The following DTD1 variants were observed in gnomAD, a reference collection of about 807,000 sequenced individuals.
The protein encoded by DTD1 is D-tyrosyl-tRNA deacylase 1 homolog.
A neutral mutation model predicts 25.6 loss-of-function variants in DTD1; 13 were observed. The observed-to-expected ratio is 0.51, with a 90% confidence interval of 0.33 to 0.81. The LOEUF (loss-of-function observed/expected upper bound fraction) is 0.81, where lower values mean the gene tolerates loss of function less well. Ranked by LOEUF, DTD1 falls within the 30% of genes least tolerant of loss-of-function variation. The pLI, the probability that DTD1 is intolerant of heterozygous loss-of-function variation, is 0.02. For synonymous variants in DTD1, 110 were observed against 103.6 expected, an observed-to-expected ratio of 1.06 and a Z score of -0.37; for missense variants, 193 against 266.4, an observed-to-expected ratio of 0.72 and a Z score of 1.92.
chr20:18,632,565 A>G, intron 4 of DTD1: 4 of 985,134 alleles, frequency 4.1e-6, no homozygotes, highest in African/African-American at 1.7e-5. Context: ...TTACTGATAG[A>G]TAAACACGTG....
intron 4 of DTD1, chr20:18,678,971 A>G (rs912762609): frequency 6.6e-6 from 1 of 152,150 alleles, no homozygotes; most frequent in African/African-American, 2.4e-5. Flanking sequence ...CTGGTCATCC[A>G]TTAGATGGCT....
intron 4 of DTD1, chr20:18,643,295 T>C: frequency 3.0e-6 from 1 of 333,330 alleles, no homozygotes; most frequent in Non-Finnish European, 6.2e-6. Flanking sequence ...TTGTTGAGAG[T>C]GCGTAGTTGA....
intron 4 of DTD1, among the ~76,000 whole-genome samples, chr20:18,635,365 G>A (rs1200967287): frequency 3.3e-5 from 5 of 152,226 alleles, no homozygotes; most frequent in Non-Finnish European, 7.3e-5. Flanking sequence ...CTTCTGGGAC[G>A]TAGGCTGCCA....
In DTD1 at chr20:18,748,101, G is replaced by A. The variant is rs35853877; in HGVS notation, c.*19+3830G>A. Among the ~76,000 whole-genome samples, 1,202 of 152,164 alleles carry A rather than the reference G, an allele frequency of 7.9e-3. 13 individuals are homozygous for A. The highest frequency in any genetic ancestry group is 0.037 in the South Asian group (179 of 4,816). On this transcript the variant is annotated intron_variant, in intron 5 of 5. Coordinates refer to ENST00000377452, the MANE Select transcript of DTD1 (RefSeq NM_080820.6). The stretch of plus-strand genomic sequence containing the variant: ...CCCATCATGAACTTAATGAACGGGA[G>A]AGGGAGAAACATACAAGCCCCTGTC...
chr20:18,690,136 T>C (rs1600370937), intron 4 of DTD1, among the ~76,000 whole-genome samples: 1 of 129,864 alleles, frequency 7.7e-6, no homozygotes, highest in Admixed American at 7.8e-5. Flanking sequence ...ACCCTGTCTC[T>C]AAAAAAAAAA....
At position 18,732,255 on chromosome 20, in the gene DTD1, A is replaced by C. The variant is rs186681139; in HGVS notation, c.478-11845A>C. 3.3e-3 allele frequency among the ~76,000 whole-genome samples: 508 copies of C among 152,342 alleles called. 2 individuals are homozygous for C. Among genetic ancestry groups the C allele is most frequent in the African/African-American group, 0.011 (477 of 41,574 alleles). ...TCACTTAAAGAACACTGTTAGTTTAAAATGCTCATGAACAGTGTTCTGTTA... is the reference window on the plus strand; with the variant it reads ...TCACTTAAAGAACACTGTTAGTTTACAATGCTCATGAACAGTGTTCTGTTA... On this transcript the variant is annotated intron_variant, in intron 4 of 5. Coordinates refer to ENST00000377452, the MANE Select transcript of DTD1 (RefSeq NM_080820.6).
chr20:18,721,376 G>A (rs1482458607), intron 4 of DTD1, among the ~76,000 whole-genome samples: 2 of 152,110 alleles, frequency 1.3e-5, no homozygotes, highest in South Asian at 2.1e-4. Context: ...ATTTTCCAAT[G>A]TTAAACTATC....
chr20:18,628,171 G>T lies in DTD1; in HGVS notation c.415G>T (p.Gly139Trp). ...CATGCAGGTGCACATTCAGAATGAT[G>T]GGCCTGTGACCATAGAGCTGGAATC... ...AYMQVHIQND[G>W]PVTIELESPA... is the part of the protein sequence containing the mutation. Residue 139 changes from glycine to tryptophan, a missense_variant, in exon 4 of 6, where the codon GGG becomes TGG. Gly to Trp is a radical substitution (Grantham distance 184). Transcript: ENST00000377452. The T allele has an allele frequency of 6.2e-7, 1 of 1,613,932 alleles. No homozygotes were observed. Among genetic ancestry groups the T allele is most frequent in the South Asian group, 1.1e-5 (1 of 91,062 alleles).
intron 4 of DTD1, among the ~76,000 whole-genome samples, chr20:18,657,349 G>T (rs906718651): frequency 1.3e-4 from 20 of 152,170 alleles, no homozygotes; most frequent in Admixed American, 1.1e-3. Flanking sequence ...AAGGGGAAAG[G>T]ATAATAGCCC....
intron 5 of DTD1, among the ~76,000 whole-genome samples, chr20:18,758,566 A>G (rs1482224121): frequency 6.6e-6 from 1 of 152,126 alleles, no homozygotes; most frequent in Admixed American, 6.6e-5. Context: ...TTCAGTTTCC[A>G]TGTAGTTGAG....
chr20:18,756,610 C>T (rs78187954), intron 5 of DTD1, among the ~76,000 whole-genome samples: 127,734 of 151,952 alleles, frequency 0.84, 54,569 homozygotes, highest in Non-Finnish European at 0.93. Flanking sequence ...GAGGACTCTG[C>T]TCTGTTCCAT....
chr20:18,753,480 C>T (rs1017735688), intron 5 of DTD1, among the ~76,000 whole-genome samples: 2 of 151,768 alleles, frequency 1.3e-5, no homozygotes, highest in Non-Finnish European at 2.9e-5. Flanking sequence ...TGGTAGTGTA[C>T]GCCTGTAATC....
chr20:18,680,299 C>G (rs76213480), intron 4 of DTD1, among the ~76,000 whole-genome samples: 1,757 of 151,920 alleles, frequency 0.012, 13 homozygotes, highest in African/African-American at 0.016. Context: ...ATCCTCCCCA[C>G]TCAGCCTCCT....
At chr20:18,669,570 G>A (rs10485583) in intron 4 of DTD1, among the ~76,000 whole-genome samples, 3,528 of 152,182 alleles carry the variant, frequency 0.023, 83 homozygotes, top group African/African-American at 0.047. Flanking sequence ...ACATCTTGGT[G>A]ATAATGAAAA....
chr20:18,631,973 T>C (rs950129771), intron 4 of DTD1: 10 of 908,228 alleles, frequency 1.1e-5, no homozygotes, highest in African/African-American at 1.8e-5. Flanking sequence ...CAAGATCTAA[T>C]GTACACCATA....
chr20:18,733,232 A>G (rs2061244651), intron 4 of DTD1, among the ~76,000 whole-genome samples: 1 of 152,162 alleles, frequency 6.6e-6, no homozygotes, highest in African/African-American at 2.4e-5. Flanking sequence ...TTTCTCAGTG[A>G]CTGAGGACCA....
At chr20:18,646,944 C>T (rs1426851290) in intron 4 of DTD1, among the ~76,000 whole-genome samples, 1 of 152,150 alleles carries the variant, frequency 6.6e-6, no homozygotes, top group African/African-American at 2.4e-5. Flanking sequence ...GGCTCATCAG[C>T]CCTGACCTTC....
At chr20:18,750,317 TGACA>T (rs1448677659) in intron 5 of DTD1, among the ~76,000 whole-genome samples, 1 of 152,110 alleles carries the variant, frequency 6.6e-6, no homozygotes, top group Non-Finnish European at 1.5e-5. Context: ...GATTAAATGG[TGACA>T]GACAGAAGGT....
intron 5 of DTD1, among the ~76,000 whole-genome samples, chr20:18,745,376 A>T (rs1436661604): frequency 6.6e-6 from 1 of 152,152 alleles, no homozygotes; most frequent in East Asian, 1.9e-4. Context: ...CAAGCACTGG[A>T]CCAAATACTG....
Sources: gnomAD v4.1 joint callset for allele counts (sites outside exome capture counted in the v4.1 genomes callset) on GRCh38, gnomAD v4.1.1 for gene constraint, MANE v1.5 for transcripts, NCBI Gene and HGNC (gene_info 2026-07-23, HGNC 2026-07-21) for gene names.